Variants in ARSG observed in about 807,000 individuals in gnomAD.
The protein encoded by ARSG is ASG.
A neutral mutation model predicts 50.5 loss-of-function variants in ARSG; 37 were observed. The ratio of observed to expected loss-of-function variants is 0.73; its 90% CI spans 0.56 to 0.96. The LOEUF is 0.96. Ranked by LOEUF, ARSG falls within the 50% of genes least tolerant of loss-of-function variation. The pLI, the probability that ARSG is intolerant of heterozygous loss-of-function variation, is 0.00. For missense variants in ARSG, 629 were observed against 675.3 expected, an observed-to-expected ratio of 0.93 and a Z score of 0.76; for synonymous variants, 225 against 254.6, an observed-to-expected ratio of 0.88 and a Z score of 1.11.
chr17:68,361,603 C>T (rs929322231), intron 6 of ARSG, among the ~76,000 whole-genome samples: 4 of 151,658 alleles, frequency 2.6e-5, no homozygotes, highest in African/African-American at 9.7e-5. Context: ...GGTCCTTCTG[C>T]AGTCTAGAAC....
rs192813929 is a variant in ARSG at position 68,378,610 on chromosome 17, G to A, written c.983-6454G>A. ...CACCCCTGCTGTCTCTGAGTCCACA[G>A]CCTGGTCCAGGAGGCCTGGCTCTCC... On this transcript the variant is annotated intron_variant, in intron 8 of 11. Coordinates refer to ENST00000621439, the MANE Select transcript of ARSG (RefSeq NM_001267727.2). This position sits in a 1 kb window ranked among gnomAD's most constrained non-coding sequence, Gnocchi z 4.4. 6.6e-6 allele frequency among the ~76,000 whole-genome samples: 1 copy of A among 150,912 alleles called. No individual in the cohort carries two copies. Among genetic ancestry groups the A allele is most frequent in the African/African-American group, 2.4e-5 (1 of 41,524 alleles).
chr17:68,366,094 C>G (rs376828805), intron 6 of ARSG, among the ~76,000 whole-genome samples: 1 of 152,034 alleles, frequency 6.6e-6, no homozygotes, highest in Non-Finnish European at 1.5e-5. Flanking sequence ...CCTGCCACCA[C>G]GCCTGGCTAA....
At chr17:68,359,056 G>A (rs1033288419) in intron 6 of ARSG, among the ~76,000 whole-genome samples, 38 of 151,140 alleles carry the variant, frequency 2.5e-4, no homozygotes, top group African/African-American at 8.5e-4. Flanking sequence ...CCAGCTACTC[G>A]GGAGGCTGAG....
At chr17:68,348,991 G>C (rs879434468) in intron 4 of ARSG, among the ~76,000 whole-genome samples, 2 of 152,058 alleles carry the variant, frequency 1.3e-5, no homozygotes, top group African/African-American at 2.4e-5. Flanking sequence ...AGCTGTTTTT[G>C]TAAATAAAAT....
chr17:68,355,415 A>G (rs997973889), intron 5 of ARSG, among the ~76,000 whole-genome samples: 3 of 152,184 alleles, frequency 2.0e-5, no homozygotes, highest in African/African-American at 7.2e-5. Flanking sequence ...CTGTAGTACA[A>G]TGGCGCAATC....
At chr17:68,375,680 G>T (rs1359546278) in intron 8 of ARSG, among the ~76,000 whole-genome samples, 5 of 152,198 alleles carry the variant, frequency 3.3e-5, no homozygotes, top group African/African-American at 4.8e-5. Context: ...GGGGTGATTT[G>T]TGTTTTGAAG....
At chr17:68,286,698 T>G (rs2075850424), upstream of ARSG, among the ~76,000 whole-genome samples, 1 of 151,780 alleles carries the variant, frequency 6.6e-6, no homozygotes, top group Non-Finnish European at 1.5e-5. Flanking sequence ...AGAGATGAGG[T>G]TTCAGTATGT....
At chr17:68,386,279 A>G (rs952376254) in intron 9 of ARSG, among the ~76,000 whole-genome samples, 2 of 152,172 alleles carry the variant, frequency 1.3e-5, no homozygotes, top group African/African-American at 2.4e-5. Context: ...GTGCTCATTC[A>G]TGTGCTCAGA....
Position 68,346,553 on chromosome 17 carries a change from C to T in ARSG, c.407-572C>T, listed in dbSNP as rs549140929. Among the ~76,000 whole-genome samples, 37 of 152,270 alleles carry T rather than the reference C, an allele frequency of 2.4e-4. No individual in the cohort carries two copies. The South Asian group carries it at 7.3e-3, about 30-fold the overall frequency. On this transcript the variant is annotated intron_variant, in intron 3 of 11. Coordinates refer to ENST00000621439, the MANE Select transcript of ARSG (RefSeq NM_001267727.2). ...TGACACTGTCAGAGCTCTTGCCACA[C>T]ATTGCCCGATTATTCCCCCAGACTG...
chr17:68,371,377 T>C (rs901779848), intron 8 of ARSG, among the ~76,000 whole-genome samples: 1 of 151,078 alleles, frequency 6.6e-6, no homozygotes, highest in Non-Finnish European at 1.5e-5. Flanking sequence ...TTTGCCCATG[T>C]CACACAGTTT....
In ARSG at chr17:68,309,180, C is replaced by T. The variant is rs189244317; in HGVS notation, c.218+1469C>T. On this transcript the variant is annotated intron_variant, in intron 2 of 11. Coordinates refer to ENST00000621439, the MANE Select transcript of ARSG (RefSeq NM_001267727.2). ...TCTAAGCCCCTCATTGCCCGGGGCC[C>T]GCAGGGCCAGCTGGCTGCTCCGAGT... Among the ~76,000 whole-genome samples, 72 of 152,362 alleles carry T rather than the reference C, an allele frequency of 4.7e-4. 1 individual carries two copies. The East Asian group carries it at 0.012, about 26-fold the overall frequency.
At chr17:68,350,864 A>G (rs1306700401) in intron 4 of ARSG, among the ~76,000 whole-genome samples, 1 of 152,136 alleles carries the variant, frequency 6.6e-6, no homozygotes, top group African/African-American at 2.4e-5. Context: ...AGGAAGGAGG[A>G]ACTCAGAAGA....
At chr17:68,260,798 T>G (rs112035465) in intron 1 of ARSG, among the ~76,000 whole-genome samples, 1 of 151,690 alleles carries the variant, frequency 6.6e-6, no homozygotes. Context: ...CGGCCAAGAG[T>G]TGCAATATTT....
At chr17:68,299,715 T>G (rs142447703) in intron 1 of ARSG, among the ~76,000 whole-genome samples, 9 of 152,320 alleles carry the variant, frequency 5.9e-5, no homozygotes, top group African/African-American at 2.2e-4. Context: ...TGCAGTGTGT[T>G]GTGAACCTTG....
chr17:68,430,906 G>A, the ARSG span, among the ~76,000 whole-genome samples: 4 of 152,304 alleles, frequency 2.6e-5, no homozygotes, highest in East Asian at 5.8e-4. Flanking sequence ...TGGGAAGCTC[G>A]CCCTGCAGCT....
intron 1 of ARSG, among the ~76,000 whole-genome samples, chr17:68,299,586 C>T (rs1555760773): frequency 6.6e-6 from 1 of 151,826 alleles, no homozygotes; most frequent in East Asian, 1.9e-4. Flanking sequence ...AGGATACAAT[C>T]AGCTAAATCC....
At chr17:68,345,347 A>G (rs544552871) in intron 3 of ARSG, among the ~76,000 whole-genome samples, 66 of 152,298 alleles carry the variant, frequency 4.3e-4, no homozygotes, top group African/African-American at 1.5e-3. Context: ...AGCCAGGAAG[A>G]GTTAGGTCCC....
the ARSG span, among the ~76,000 whole-genome samples, chr17:68,447,629 G>T: frequency 6.6e-6 from 1 of 152,094 alleles, no homozygotes; most frequent in African/African-American, 2.4e-5. Flanking sequence ...GGGCTCAAGC[G>T]ATCCTCCTGC....
At chr17:68,369,866 A>G (rs1458305488) in intron 7 of ARSG, among the ~76,000 whole-genome samples, 1 of 152,144 alleles carries the variant, frequency 6.6e-6, no homozygotes, top group Non-Finnish European at 1.5e-5. Context: ...AGAGGAAGGA[A>G]GAGGAGGAAA....
Sources: allele counts gnomAD v4.1 joint callset (sites outside exome capture counted in the v4.1 genomes callset), GRCh38; gene constraint gnomAD v4.1.1; non-coding constraint Gnocchi (gnomAD v3.1); transcripts MANE v1.5; gene names NCBI Gene and HGNC (gene_info 2026-07-23, HGNC 2026-07-21).